Variants in USP32 observed in about 807,000 individuals in gnomAD.
USP32 encodes ubiquitin carboxyl-terminal hydrolase 32.
A neutral mutation model predicts 204.8 loss-of-function variants in USP32; 59 were observed. That is an observed-to-expected ratio of 0.29 (90% CI 0.23 to 0.36). The LOEUF is 0.36. USP32 is among the 10% of genes least tolerant of loss of function. The probability of loss-of-function intolerance (pLI) is 1.00; values close to 1 mark genes in which losing one functional copy is unlikely to be tolerated. For synonymous variants in USP32, 517 were observed against 678.4 expected (o/e 0.76, Z 3.70); for missense variants, 1,160 against 1,946.4 (o/e 0.60, Z 7.60).
At position 60,328,042 on chromosome 17, in the gene USP32, C is replaced by T. The variant is rs542367259; in HGVS notation, c.186+17439G>A. 5.9e-5 allele frequency among the ~76,000 whole-genome samples: 9 copies of T among 152,358 alleles called. No individual in the cohort carries two copies. The East Asian group carries it at 1.7e-3, about 29-fold the overall frequency. On this transcript the variant is annotated intron_variant, in intron 2 of 33. Transcript: ENST00000300896. ...TGGATGGCGGCAGGCAGCAGACAGG[C>T]TCCTGGGCAGAAGGGGGCAGGTCCC...
intron 25 of USP32, among the ~76,000 whole-genome samples, chr17:60,206,738 C>G (rs1473706167): frequency 6.6e-6 from 1 of 151,946 alleles, no homozygotes; most frequent in Non-Finnish European, 1.5e-5. Context: ...TAGTATGTTC[C>G]TCTCATACTA....
chr17:60,260,114 G>GT (rs2086416772), intron 9 of USP32, among the ~76,000 whole-genome samples: 1 of 152,174 alleles, frequency 6.6e-6, no homozygotes, highest in South Asian at 2.1e-4. Context: ...TAAGAGACCT[G>GT]TTGTTCATAT....
At chr17:60,392,512 C>G (rs2089860537), upstream of USP32, 5 of 308,560 alleles carry the variant, frequency 1.6e-5, no homozygotes, top group Non-Finnish European at 2.7e-5. Flanking sequence ...CATGTTCTGG[C>G]GTTCGGCGGG....
chr17:60,374,772 G>C (rs754850841), intron 1 of USP32, among the ~76,000 whole-genome samples: 1 of 152,122 alleles, frequency 6.6e-6, no homozygotes, highest in Non-Finnish European at 1.5e-5. Context: ...GCAAAAACAA[G>C]TAAATGGCTA....
chr17:60,192,976 C>T (rs777768533), intron 27 of USP32, 46 bp from the exon 28 acceptor site: 96 of 1,594,508 alleles, frequency 6.0e-5, no homozygotes, highest in African/African-American at 2.1e-4. Flanking sequence ...ATTTCTGGTT[C>T]GAGGTCCAAC....
intron 5 of USP32, among the ~76,000 whole-genome samples, chr17:60,280,031 C>T (rs919872372): frequency 2.0e-5 from 3 of 151,846 alleles, no homozygotes; most frequent in Admixed American, 6.6e-5. Flanking sequence ...TTGGAATTTA[C>T]ACTTCAGAAA....
intron 2 of USP32, among the ~76,000 whole-genome samples, chr17:60,335,336 AC>A (rs1474044165): frequency 7.0e-6 from 1 of 141,922 alleles, no homozygotes; most frequent in Non-Finnish European, 1.5e-5. Flanking sequence ...TCATCCAAAC[AC>A]CCACTTATTC....
chr17:60,390,173 A>T (rs1441679607), intron 1 of USP32, among the ~76,000 whole-genome samples: 1 of 152,250 alleles, frequency 6.6e-6, no homozygotes, highest in African/African-American at 2.4e-5. Flanking sequence ...AATGCAATTA[A>T]CTTCATTTGT....
intron 1 of USP32, among the ~76,000 whole-genome samples, chr17:60,418,597 T>A (rs901739769): frequency 6.6e-6 from 1 of 151,590 alleles, no homozygotes; most frequent in Non-Finnish European, 1.5e-5. Context: ...GGGAGAAAAA[T>A]TTTGCAAACT....
At chr17:60,221,979 C>A (rs888678886) in intron 15 of USP32, among the ~76,000 whole-genome samples, 2 of 152,166 alleles carry the variant, frequency 1.3e-5, no homozygotes, top group Non-Finnish European at 2.9e-5. Context: ...ATATGCCCCT[C>A]CTTCAAAAAC....
At chr17:60,227,911 A>G (rs976575250) in intron 12 of USP32, among the ~76,000 whole-genome samples, 16 of 152,218 alleles carry the variant, frequency 1.1e-4, no homozygotes, top group Admixed American at 1.0e-3. Flanking sequence ...ATGGCATTAC[A>G]TGAGAAAAAT....
intron 9 of USP32, among the ~76,000 whole-genome samples, chr17:60,263,682 A>C (rs1043927780): frequency 6.6e-6 from 1 of 152,190 alleles, no homozygotes; most frequent in Non-Finnish European, 1.5e-5. Flanking sequence ...TCTAACAGAA[A>C]CTTTTCCTGG....
chr17:60,183,445 G>A lies in USP32; in HGVS notation c.3843C>T (p.His1281=). 1 of 1,600,290 alleles carries A rather than the reference G, an allele frequency of 6.2e-7. No homozygotes were observed. The highest frequency in any genetic ancestry group is 8.5e-7 in the Non-Finnish European group (1 of 1,171,906). Residue 1281 remains histidine (H), a synonymous_variant, in exon 31 of 34, where the codon CAC becomes CAT. Transcript: ENST00000300896. ...LWRLPPILII[H]LKRFQFVNGR... is the part of the protein sequence containing the mutation. ...CATTTACAAATTGAAATCGCTTAAG[G>A]TGAATAATCTGGAGAAGTAAAGGTA...
At chr17:60,335,011 G>T (rs543168255) in intron 2 of USP32, among the ~76,000 whole-genome samples, 2 of 142,646 alleles carry the variant, frequency 1.4e-5, no homozygotes, top group Non-Finnish European at 3.0e-5. Flanking sequence ...TTAAGAGACA[G>T]GGTCTCTATT....
At chr17:60,391,783 C>A in intron 1 of USP32, 99 bp downstream of exon 1, 1 of 1,366,432 alleles carries the variant, frequency 7.3e-7, no homozygotes. Context: ...CCTCAGGCGC[C>A]CCACGCCCTC....
At position 60,236,247 on chromosome 17, in the gene USP32, G is replaced by T. The variant is rs763251107; in HGVS notation, c.1137-7C>A. ...CTCTCGTTCTAACCATCCTCTGTAT[G>T]TACAAAAGAAATTAAATACATCAAA... On this transcript the variant is annotated splice_polypyrimidine_tract_variant and splice_region_variant and intron_variant, in intron 11 of 33. Coordinates refer to ENST00000300896, the MANE Select transcript of USP32 (RefSeq NM_032582.4). The T allele has an allele frequency of 1.4e-5, 22 of 1,609,214 alleles. No individual in the cohort carries two copies. The South Asian group carries it at 2.2e-4, about 16-fold the overall frequency.
At chr17:60,243,295 G>A (rs1179019473) in intron 11 of USP32, among the ~76,000 whole-genome samples, 3 of 152,124 alleles carry the variant, frequency 2.0e-5, no homozygotes, top group Non-Finnish European at 2.9e-5. Flanking sequence ...ATAGGATCAT[G>A]TTATCTGCAA....
intron 5 of USP32, among the ~76,000 whole-genome samples, chr17:60,274,048 T>C (rs1290310389): frequency 6.7e-6 from 1 of 150,370 alleles, no homozygotes; most frequent in African/African-American, 2.4e-5. Context: ...AGCTTTAAAA[T>C]GTCTATTGTA....
rs1416028231 is a variant in USP32, at chr17:60,247,687, TG to T, written c.1136+4693del. On this transcript the variant is annotated intron_variant, in intron 11 of 33. Transcript: ENST00000300896. ...TGTTTGTTTGTTTTGGTTTTTTTTTTGTTTGTTTGTTTTTGAGACAGAGTCT... is the reference window on the plus strand; with the variant it reads ...TGTTTGTTTGTTTTGGTTTTTTTTTTTTTGTTTGTTTTTGAGACAGAGTCT... Among the ~76,000 whole-genome samples the T allele has an allele frequency of 1.1e-3, 168 of 151,460 alleles. 1 individual carries two copies. Among genetic ancestry groups the T allele is most frequent in the African/African-American group, 3.8e-3 (155 of 41,060 alleles).
Sources: gnomAD v4.1 joint callset for allele counts (sites outside exome capture counted in the v4.1 genomes callset) on GRCh38, gnomAD v4.1.1 for gene constraint, MANE v1.5 for transcripts, NCBI Gene and HGNC (gene_info 2026-07-23, HGNC 2026-07-21) for gene names.